Variants in NOL4 observed in about 807,000 individuals in gnomAD.
The protein encoded by NOL4 is cancer/testis antigen 125.
Under a neutral mutation model 75.9 loss-of-function variants are expected in NOL4, and 17 were observed. That is an observed-to-expected ratio of 0.22 (90% CI 0.15 to 0.34). The LOEUF is 0.34. Ranked by LOEUF, NOL4 falls within the 10% of genes least tolerant of loss-of-function variation. The pLI is 1.00. For synonymous variants in NOL4, 292 were observed against 289.9 expected (o/e 1.01, Z -0.07); for missense variants, 614 against 793.5 (o/e 0.77, Z 2.72).
At chr18:34,187,800 A>T (rs997596546) in intron 1 of NOL4, among the ~76,000 whole-genome samples, 1 of 152,208 alleles carries the variant, frequency 6.6e-6, no homozygotes, top group Non-Finnish European at 1.5e-5. Context: ...ATTTAAAAAA[A>T]TTTTGCAGGT....
At chr18:34,106,334 C>A (rs1330776231) in intron 2 of NOL4, among the ~76,000 whole-genome samples, 1 of 151,978 alleles carries the variant, frequency 6.6e-6, no homozygotes, top group African/African-American at 2.4e-5. Flanking sequence ...TTGTAAAGCT[C>A]ATTTTTCTCT....
At chr18:34,012,718 T>C (rs574329537) in intron 6 of NOL4, among the ~76,000 whole-genome samples, 2 of 152,008 alleles carry the variant, frequency 1.3e-5, no homozygotes, top group African/African-American at 4.8e-5. Flanking sequence ...AGGCATCTGT[T>C]ACATTCTTTT....
At chr18:34,182,371 A>G (rs1186330326) in intron 1 of NOL4, among the ~76,000 whole-genome samples, 1 of 151,652 alleles carries the variant, frequency 6.6e-6, no homozygotes, top group Non-Finnish European at 1.5e-5. Flanking sequence ...TAAGATAGAA[A>G]GTTGAATAGT....
intron 1 of NOL4, among the ~76,000 whole-genome samples, chr18:34,168,028 C>G (rs181449842): frequency 6.6e-6 from 1 of 151,798 alleles, no homozygotes; most frequent in Non-Finnish European, 1.5e-5. Context: ...ATAAATCTGT[C>G]TAGTCACTTT....
intron 1 of NOL4, among the ~76,000 whole-genome samples, chr18:34,162,608 C>T (rs2031677914): frequency 6.6e-6 from 1 of 152,110 alleles, no homozygotes; most frequent in Non-Finnish European, 1.5e-5. Context: ...AGCTTACCAA[C>T]CAAAAAGAGT....
In NOL4 at chr18:34,005,866, T is replaced by A. The variant is rs373779122; in HGVS notation, c.1056+13452A>T. Among the ~76,000 whole-genome samples, 68 of 152,206 alleles carry A rather than the reference T, an allele frequency of 4.5e-4. 1 individual carries two copies. Among genetic ancestry groups the A allele is most frequent in the African/African-American group, 1.6e-3 (65 of 41,566 alleles). ...AACTCCATGGTTATTTTCTCCCAGA[T>A]AACCTTGCTGCCTGCTGCTTTTGTG... On this transcript the variant is annotated intron_variant, in intron 6 of 10. Coordinates refer to ENST00000261592, the MANE Select transcript of NOL4 (RefSeq NM_003787.5).
intron 5 of NOL4, among the ~76,000 whole-genome samples, chr18:34,071,438 G>GACAGACACAC (rs150543573): frequency 8.8e-5 from 13 of 147,694 alleles, no homozygotes; most frequent in Admixed American, 1.4e-4. Context: ...CAGACAGACA[G>GACAGACACAC]ACACACACAC....
intron 9 of NOL4, among the ~76,000 whole-genome samples, chr18:33,889,534 TTA>T (rs1297551802): frequency 6.6e-6 from 1 of 152,180 alleles, no homozygotes; most frequent in African/African-American, 2.4e-5. Context: ...CTAACTCATT[TTA>T]TGAGGCTAGC....
intron 1 of NOL4, among the ~76,000 whole-genome samples, chr18:34,200,014 T>C (rs1173544822): frequency 6.6e-6 from 1 of 151,860 alleles, no homozygotes; most frequent in Non-Finnish European, 1.5e-5. Flanking sequence ...GACTACTTTG[T>C]TCTTCAGTTT....
intron 1 of NOL4, chr18:34,222,033 A>G (rs2037348245): frequency 6.5e-7 from 1 of 1,535,574 alleles, no homozygotes; most frequent in Non-Finnish European, 8.7e-7. Flanking sequence ...GGCATGATGC[A>G]GAAAGGTCTC....
At chr18:33,973,361 C>T (rs1225748657) in intron 6 of NOL4, among the ~76,000 whole-genome samples, 7 of 152,184 alleles carry the variant, frequency 4.6e-5, no homozygotes, top group African/African-American at 1.7e-4. Flanking sequence ...TCTACAATGA[C>T]TTCCTCTACT....
At chr18:33,987,912 A>G (rs2072591342) in intron 6 of NOL4, among the ~76,000 whole-genome samples, 1 of 152,010 alleles carries the variant, frequency 6.6e-6, no homozygotes, top group African/African-American at 2.4e-5. Flanking sequence ...TTATCAGCGG[A>G]GCTTGGTGAA....
At chr18:34,051,184 C>T (rs1012799434) in intron 5 of NOL4, among the ~76,000 whole-genome samples, 5 of 151,828 alleles carry the variant, frequency 3.3e-5, no homozygotes, top group African/African-American at 1.2e-4. Context: ...CTTTGTCTCC[C>T]CTGTTCTTAA....
At chr18:34,009,064 A>ATT (rs199713111) in intron 6 of NOL4, among the ~76,000 whole-genome samples, 3 of 147,068 alleles carry the variant, frequency 2.0e-5, no homozygotes, top group East Asian at 2.0e-4. Context: ...TTCAGAAAAG[A>ATT]TTTTTTTTTT....
chr18:34,131,849 T>G (rs1437171306), intron 1 of NOL4, among the ~76,000 whole-genome samples: 1 of 152,164 alleles, frequency 6.6e-6, no homozygotes, highest in African/African-American at 2.4e-5. Flanking sequence ...GACAGATAAT[T>G]GAGGCATTTG....
At chr18:34,140,937 T>C (rs775403118) in intron 1 of NOL4, among the ~76,000 whole-genome samples, 2 of 152,064 alleles carry the variant, frequency 1.3e-5, no homozygotes, top group African/African-American at 4.8e-5. Context: ...GAAAACCCCA[T>C]TGTCTCAGCC....
intron 5 of NOL4, among the ~76,000 whole-genome samples, chr18:34,025,804 G>C (rs2075311259): frequency 1.3e-5 from 2 of 152,110 alleles, no homozygotes; most frequent in African/African-American, 4.8e-5. Context: ...TGTGCGGAGA[G>C]AGAAACCCTG....
At chr18:34,020,380 T>C (rs553385731) in intron 5 of NOL4, among the ~76,000 whole-genome samples, 1 of 152,308 alleles carries the variant, frequency 6.6e-6, no homozygotes, top group African/African-American at 2.4e-5. Context: ...AATTCTCTGA[T>C]AAAAAGCATC....
chr18:33,862,503 A>G (rs1459493085), intron 10 of NOL4, among the ~76,000 whole-genome samples: 1 of 152,190 alleles, frequency 6.6e-6, no homozygotes, highest in Non-Finnish European at 1.5e-5. Context: ...ATGGGAGAAA[A>G]TTTTCGCAAC....
Sources: allele counts gnomAD v4.1 joint callset (sites outside exome capture counted in the v4.1 genomes callset), GRCh38; gene constraint gnomAD v4.1.1; transcripts MANE v1.5; gene names NCBI Gene and HGNC (gene_info 2026-07-23, HGNC 2026-07-21).